FGD4: variants seen among roughly 807,000 people sequenced by gnomAD.
FGD4 encodes FYVE, RhoGEF and PH domain-containing protein 4.
FGD4 carries 42 observed loss-of-function variants against 102.0 expected under a neutral mutation model. The ratio of observed to expected loss-of-function variants is 0.41; its 90% CI spans 0.32 to 0.53. FGD4 has a LOEUF of 0.53. Among genes scored for constraint, FGD4 ranks in the 20% least tolerant of loss-of-function variants. The probability of loss-of-function intolerance (pLI) is 0.21; values close to 1 mark genes in which losing one functional copy is unlikely to be tolerated. For missense variants in FGD4, 902 were observed against 1,078.2 expected (o/e 0.84, Z 2.29); for synonymous variants, 380 against 375.7 (o/e 1.01, Z -0.13).
At chr12:32,473,970 C>T (rs1286297523) in intron 1 of FGD4, among the ~76,000 whole-genome samples, 1 of 152,014 alleles carries the variant, frequency 6.6e-6, no homozygotes, top group Admixed American at 6.6e-5. Flanking sequence ...CGCCTGTAGT[C>T]CCAGCTACTC....
At chr12:32,502,464 C>G (rs1938302583) in intron 1 of FGD4, 1 of 442,658 alleles carries the variant, frequency 2.3e-6, no homozygotes. Flanking sequence ...ATACACTTCT[C>G]TTGTATTGAT....
At chr12:32,444,428 G>A (rs1942552590) in intron 1 of FGD4, among the ~76,000 whole-genome samples, 1 of 151,856 alleles carries the variant, frequency 6.6e-6, no homozygotes, top group Non-Finnish European at 1.5e-5. Context: ...TTTTGAGATG[G>A]ATTTTTGCTC....
chr12:32,466,090 T>G (rs1399654757), intron 1 of FGD4, among the ~76,000 whole-genome samples: 2 of 152,194 alleles, frequency 1.3e-5, no homozygotes, highest in Non-Finnish European at 2.9e-5. Context: ...AAGTATATTT[T>G]AATTAAGGAT....
intron 12 of FGD4, 175 bp from the exon 13 acceptor site, chr12:32,624,801 T>A: frequency 1.5e-6 from 1 of 659,808 alleles, no homozygotes; most frequent in South Asian, 1.7e-5. Context: ...TTTAGTAACA[T>A]CTCTGTGTAT....
At chr12:32,601,684 A>G (rs564058064) in intron 6 of FGD4, among the ~76,000 whole-genome samples, 27 of 152,358 alleles carry the variant, frequency 1.8e-4, no homozygotes, top group African/African-American at 6.5e-4. Flanking sequence ...TGGCATTCTG[A>G]TAGCCCCTTT....
At chr12:32,619,668 T>A (rs902820432) in intron 10 of FGD4, 30 bp from the exon 11 acceptor site, 1 of 1,613,168 alleles carries the variant, frequency 6.2e-7, no homozygotes, top group Non-Finnish European at 8.5e-7. Flanking sequence ...ATTTCTTTTC[T>A]TTACTGATAT....
Position 32,464,372 on chromosome 12 carries a change from C to T in FGD4, c.166+64413C>T, listed in dbSNP as rs577301386. On this transcript the variant is annotated intron_variant, in intron 1 of 16. Transcript: ENST00000534526. ...TTCACCGTGTTGCCCAGGCTGGTCT[C>T]GAACTCCTGAGCTCCAGCAATCCGC... Among the ~76,000 whole-genome samples the T allele has an allele frequency of 1.5e-4, 23 of 151,230 alleles. No individual in the cohort carries two copies. In the East Asian group the frequency reaches 3.5e-3, roughly 23 times the overall value.
chr12:32,639,303 A>G (rs1045215513), intron 16 of FGD4, among the ~76,000 whole-genome samples: 2 of 152,028 alleles, frequency 1.3e-5, no homozygotes, highest in Non-Finnish European at 2.9e-5. Context: ...AGCTGGGATT[A>G]CATGTACCCA....
chr12:32,507,720 C>G (rs1938925095), intron 1 of FGD4, among the ~76,000 whole-genome samples: 1 of 152,162 alleles, frequency 6.6e-6, no homozygotes, highest in East Asian at 1.9e-4. Flanking sequence ...TACTAGCTAC[C>G]TGGATGTCTC....
chr12:32,553,797 T>C (rs757973534), intron 1 of FGD4, among the ~76,000 whole-genome samples: 2 of 152,140 alleles, frequency 1.3e-5, no homozygotes, highest in South Asian at 2.1e-4. Context: ...TCCTAGTAAA[T>C]GTAAATAAAA....
chr12:32,488,704 G>GCCAA (rs1451752480), intron 1 of FGD4, among the ~76,000 whole-genome samples: 4 of 151,860 alleles, frequency 2.6e-5, no homozygotes, highest in African/African-American at 9.7e-5. Flanking sequence ...ACTTTAGGAG[G>GCCAA]CCAAGGTGGG....
At chr12:32,491,154 A>AAAC (rs1565773945) in intron 1 of FGD4, among the ~76,000 whole-genome samples, 1 of 151,678 alleles carries the variant, frequency 6.6e-6, no homozygotes, top group Non-Finnish European at 1.5e-5. Flanking sequence ...AAAAAAACAA[A>AAAC]AAACTATAAA....
At chr12:32,638,817 G>A (rs767968218) in intron 16 of FGD4, 22 bp downstream of exon 16, 1 of 1,613,792 alleles carries the variant, frequency 6.2e-7, no homozygotes, top group Non-Finnish European at 8.5e-7. Flanking sequence ...ACATCTGTCT[G>A]AAGGGACAGA....
intron 1 of FGD4, among the ~76,000 whole-genome samples, chr12:32,519,293 G>T (rs1940252468): frequency 6.6e-6 from 1 of 152,146 alleles, no homozygotes; most frequent in African/African-American, 2.4e-5. Context: ...ACATTTGAAT[G>T]AGTTAGAAAG....
At chr12:32,607,846 T>C in intron 7 of FGD4, 111 bp from the exon 8 acceptor site, 2 of 1,163,532 alleles carry the variant, frequency 1.7e-6, no homozygotes, top group Admixed American at 3.5e-5. Context: ...TGATGGACAG[T>C]CACACTTTGT....
At chr12:32,522,733 G>T (rs1592095703) in intron 1 of FGD4, among the ~76,000 whole-genome samples, 1 of 151,348 alleles carries the variant, frequency 6.6e-6, no homozygotes, top group South Asian at 2.3e-4. Flanking sequence ...AGGGAGCATG[G>T]TTTAGGAACC....
At position 32,625,782 on chromosome 12, in the gene FGD4, A is replaced by C. The variant is rs765520802; in HGVS notation, c.2172+3A>C. The C allele has an allele frequency of 6.2e-7, 1 of 1,613,894 alleles. No homozygotes were observed. Among genetic ancestry groups the C allele is most frequent in the South Asian group, 1.1e-5 (1 of 91,078 alleles). On this transcript the variant is annotated splice_donor_region_variant and intron_variant, in intron 14 of 16. Coordinates refer to ENST00000534526, the MANE Select transcript of FGD4 (RefSeq NM_001370298.3). ...ATCATTGTCGAGCATGTGGATATGT[A>C]AGTGAGATTTCTTGATCATTAAGGT...
At chr12:32,525,439 A>G (rs368393691) in intron 1 of FGD4, among the ~76,000 whole-genome samples, 10 of 152,226 alleles carry the variant, frequency 6.6e-5, no homozygotes, top group African/African-American at 2.2e-4. Flanking sequence ...TTCATTCCAC[A>G]TTGTTTGTGA....
At position 32,427,421 on chromosome 12, in the gene FGD4, T is replaced by C. The variant is rs557080740; in HGVS notation, c.166+27462T>C. Among the ~76,000 whole-genome samples, 4 of 152,348 alleles carry C rather than the reference T, an allele frequency of 2.6e-5. No homozygotes were observed. The South Asian group carries it at 8.3e-4, about 32-fold the overall frequency. Reference sequence around the variant, plus strand: ...GAGTTCTAATTTGATTGCGCTGTAGTCTGAAAGACTATTTGTTATGATTTC... The same window carrying C: ...GAGTTCTAATTTGATTGCGCTGTAGCCTGAAAGACTATTTGTTATGATTTC... On this transcript the variant is annotated intron_variant, in intron 1 of 16. Coordinates refer to ENST00000534526, the MANE Select transcript of FGD4 (RefSeq NM_001370298.3).
Sources: allele counts gnomAD v4.1 joint callset (sites outside exome capture counted in the v4.1 genomes callset), GRCh38; gene constraint gnomAD v4.1.1; transcripts MANE v1.5; gene names NCBI Gene and HGNC (gene_info 2026-07-23, HGNC 2026-07-21).